Variants in PCDH15 observed in about 807,000 individuals in gnomAD.
PCDH15 encodes the protein protocadherin-15.
In PCDH15, 129 loss-of-function variants were observed where a neutral mutation model predicts 178.5. That is an observed-to-expected ratio of 0.72 (90% CI 0.63 to 0.84). The LOEUF is 0.84. Ranked by LOEUF, PCDH15 falls within the 40% of genes least tolerant of loss-of-function variation. The pLI is 0.00. For synonymous variants in PCDH15, 800 were observed against 732.0 expected (o/e 1.09, Z -1.50); for missense variants, 2,230 against 2,099.9 (o/e 1.06, Z -1.21).
chr10:55,269,770 GA>G (rs201580226), intron 1 of PCDH15, among the ~76,000 whole-genome samples: 6 of 151,048 alleles, frequency 4.0e-5, no homozygotes, highest in East Asian at 1.9e-4. Flanking sequence ...TTCACAGTTA[GA>G]AAAAAAAATT....
chr10:53,811,444 C>A, intron 36 of PCDH15, 105 bp downstream of exon 36: 1 of 669,420 alleles, frequency 1.5e-6, no homozygotes, highest in South Asian at 2.6e-5. Context: ...CTAGTGAGAT[C>A]GACATGACAT....
At chr10:54,701,327 A>C (rs1258629425) in intron 1 of PCDH15, among the ~76,000 whole-genome samples, 1 of 152,090 alleles carries the variant, frequency 6.6e-6, no homozygotes, top group African/African-American at 2.4e-5. Context: ...TGGAAAGGAA[A>C]GACTGTTACA....
intron 18 of PCDH15, among the ~76,000 whole-genome samples, chr10:54,026,299 GGCTTGA>G (rs1475643835): frequency 1.3e-5 from 2 of 151,786 alleles, no homozygotes; most frequent in Non-Finnish European, 2.9e-5. Flanking sequence ...TGAACTTCTG[GGCTTGA>G]GCCATCCTCC....
intron 2 of PCDH15, among the ~76,000 whole-genome samples, chr10:55,155,334 C>T (rs1207491620): frequency 6.6e-6 from 1 of 151,820 alleles, no homozygotes; most frequent in Non-Finnish European, 1.5e-5. Context: ...TGTTTAATCT[C>T]GTCTTAGTTA....
intron 15 of PCDH15, among the ~76,000 whole-genome samples, chr10:54,115,396 A>T (rs967494781): frequency 2.0e-5 from 3 of 152,184 alleles, no homozygotes; most frequent in Non-Finnish European, 4.4e-5. Flanking sequence ...ACACCATGAT[A>T]TGCTTCACAC....
At chr10:54,222,719 C>T (rs958817773) in intron 9 of PCDH15, among the ~76,000 whole-genome samples, 1 of 152,156 alleles carries the variant, frequency 6.6e-6, no homozygotes, top group Non-Finnish European at 1.5e-5. Context: ...TATTAATTTG[C>T]ATTTCCCAAT....
chr10:55,210,564 GA>G (rs10717504), intron 1 of PCDH15, among the ~76,000 whole-genome samples: 16,398 of 141,050 alleles, frequency 0.12, 1,008 homozygotes, highest in East Asian at 0.27. Flanking sequence ...TTTGCGGGGG[GA>G]AAAAAAAGCT....
At chr10:53,909,951 GGA>G (rs1251573302) in intron 25 of PCDH15, among the ~76,000 whole-genome samples, 1 of 152,202 alleles carries the variant, frequency 6.6e-6, no homozygotes, top group African/African-American at 2.4e-5. Context: ...CCTGGCAGGG[GGA>G]GAGGAGTTCA....
intron 2 of PCDH15, among the ~76,000 whole-genome samples, chr10:55,469,863 C>A (rs1240413136): frequency 6.6e-6 from 1 of 151,736 alleles, no homozygotes; most frequent in Non-Finnish European, 1.5e-5. Flanking sequence ...CTTAGAAAAG[C>A]CAATATATAA....
At chr10:54,386,326 G>A (rs1341286160) in intron 3 of PCDH15, among the ~76,000 whole-genome samples, 2 of 151,672 alleles carry the variant, frequency 1.3e-5, no homozygotes, top group South Asian at 2.1e-4. Flanking sequence ...ATAAATTTTT[G>A]TTGGGCCACA....
At position 54,936,493 on chromosome 10, in the gene PCDH15, C is replaced by G. The variant is rs187095627; in HGVS notation, c.-79-38993G>C. On this transcript the variant is annotated intron_variant, in intron 2 of 5. Coordinates refer to the PCDH15 transcript ENST00000458638. ...ATTTTTGGAACATTTTACATTCCAG[C>G]CAACAACGTGTAGAGATTCTAATTT... is the stretch of plus-strand genomic sequence containing the variant. Among the ~76,000 whole-genome samples the G allele has an allele frequency of 3.9e-5, 6 of 152,052 alleles. No homozygotes were observed. The East Asian group carries it at 9.7e-4, about 24-fold the overall frequency.
intron 5 of PCDH15, among the ~76,000 whole-genome samples, chr10:54,360,916 T>C (rs1396519992): frequency 6.6e-6 from 1 of 152,118 alleles, no homozygotes; most frequent in African/African-American, 2.4e-5. Context: ...TAAAAGTATG[T>C]TTATTAGTCT....
chr10:54,837,476 T>C (rs1406118591), intron 3 of PCDH15, among the ~76,000 whole-genome samples: 1 of 151,996 alleles, frequency 6.6e-6, no homozygotes, highest in Non-Finnish European at 1.5e-5. Context: ...TAAATAAGAA[T>C]AAAACCTGGA....
chr10:54,798,678 T>G (rs906080624), intron 1 of PCDH15, among the ~76,000 whole-genome samples: 2 of 152,122 alleles, frequency 1.3e-5, no homozygotes, highest in African/African-American at 4.8e-5. Context: ...GATCATTTTA[T>G]GAAGTAGTGT....
chr10:53,811,269 G>T (rs1412993374), intron 36 of PCDH15, among the ~76,000 whole-genome samples: 1 of 152,038 alleles, frequency 6.6e-6, no homozygotes. Context: ...GAGCAAATAT[G>T]TTTCACATCT....
chr10:54,580,598 G>A (rs1392194201), intron 2 of PCDH15, among the ~76,000 whole-genome samples: 1 of 151,946 alleles, frequency 6.6e-6, no homozygotes, highest in Non-Finnish European at 1.5e-5. Flanking sequence ...CTCATTCTAT[G>A]AAGCCAGCAT....
chr10:54,783,567 G>A (rs541935453), intron 1 of PCDH15, among the ~76,000 whole-genome samples: 12 of 152,204 alleles, frequency 7.9e-5, no homozygotes, highest in East Asian at 7.7e-4. Context: ...CATAGAAAAC[G>A]TGCTTAATAA....
intron 17 of PCDH15, among the ~76,000 whole-genome samples, chr10:54,074,415 G>A (rs2094302218): frequency 6.6e-6 from 1 of 152,000 alleles, no homozygotes; most frequent in African/African-American, 2.4e-5. Flanking sequence ...ACCATTCTAA[G>A]TACCAAAATA....
At position 54,991,330 on chromosome 10, in the gene PCDH15, T is replaced by G. The variant is rs115702785; in HGVS notation, c.-79-93830A>C. Among the ~76,000 whole-genome samples the G allele has an allele frequency of 5.1e-3, 779 of 152,234 alleles. 4 individuals carry two copies. Among genetic ancestry groups the G allele is most frequent in the African/African-American group, 0.018 (748 of 41,560 alleles). Reference sequence around the variant, plus strand: ...TAAATATATTGTTCCACTTACTGAGTAGATGGATGTAATTATCTGAGGAAA... The same window carrying G: ...TAAATATATTGTTCCACTTACTGAGGAGATGGATGTAATTATCTGAGGAAA... On this transcript the variant is annotated intron_variant, in intron 2 of 5. Coordinates refer to the PCDH15 transcript ENST00000458638.
Sources: gnomAD v4.1 joint callset for allele counts (sites outside exome capture counted in the v4.1 genomes callset) on GRCh38, gnomAD v4.1.1 for gene constraint, MANE v1.5 for transcripts, NCBI Gene and HGNC (gene_info 2026-07-23, HGNC 2026-07-21) for gene names.